Variants in COL25A1 observed in about 807,000 individuals in gnomAD.
The protein encoded by COL25A1 is collagen type XXV alpha 1 chain, also known as collagen alpha-1(XXV) chain.
A neutral mutation model predicts 128.4 loss-of-function variants in COL25A1; 103 were observed. The observed-to-expected ratio is 0.80, with a 90% CI of 0.68 to 0.94. The LOEUF (loss-of-function observed/expected upper bound fraction) is 0.94. COL25A1 is among the 40% of genes least tolerant of loss of function. The pLI, the probability that COL25A1 is intolerant of heterozygous loss-of-function variation, is 0.00. For synonymous variants in COL25A1, 279 were observed against 277.2 expected (o/e 1.01, Z -0.06); for missense variants, 745 against 840.0 (o/e 0.89, Z 1.40).
chr4:109,266,039 T>A (rs1186602782), intron 3 of COL25A1, among the ~76,000 whole-genome samples: 1 of 152,078 alleles, frequency 6.6e-6, no homozygotes, highest in African/African-American at 2.4e-5. Context: ...TTAAAACAGG[T>A]CGACTCTTGA....
At chr4:108,823,778 G>T (rs960625965) in intron 35 of COL25A1, 1 of 418,456 alleles carries the variant, frequency 2.4e-6, no homozygotes, top group Non-Finnish European at 3.8e-6. Context: ...CTACTGGGAA[G>T]TAGTGAAGAC....
intron 3 of COL25A1, among the ~76,000 whole-genome samples, chr4:109,172,536 C>A (rs181482729): frequency 8.6e-5 from 13 of 151,766 alleles, no homozygotes; most frequent in Non-Finnish European, 1.8e-4. Context: ...GCCTGTAGGA[C>A]GATAATCCAT....
chr4:108,831,319 C>T (rs964901966), intron 32 of COL25A1, among the ~76,000 whole-genome samples: 10 of 152,068 alleles, frequency 6.6e-5, no homozygotes, highest in Admixed American at 2.0e-4. Flanking sequence ...TTCCATTTCA[C>T]ACTAGTAATA....
intron 3 of COL25A1, among the ~76,000 whole-genome samples, chr4:109,255,006 G>A (rs1375778801): frequency 1.3e-5 from 2 of 152,184 alleles, no homozygotes; most frequent in Non-Finnish European, 2.9e-5. Context: ...AATCTCACCT[G>A]TCAGGGATGA....
intron 30 of COL25A1, among the ~76,000 whole-genome samples, chr4:108,842,937 C>A (rs529547128): frequency 6.6e-5 from 10 of 152,026 alleles, no homozygotes; most frequent in Non-Finnish European, 1.0e-4. Flanking sequence ...TTGGGCCCAG[C>A]AGTTTGAGAA....
At chr4:108,988,491 G>C (rs1753859872) in intron 6 of COL25A1, among the ~76,000 whole-genome samples, 1 of 152,160 alleles carries the variant, frequency 6.6e-6, no homozygotes, top group Non-Finnish European at 1.5e-5. Flanking sequence ...CACTAAGTCA[G>C]GAGAGTTAAT....
chr4:109,076,263 A>G (rs920926729), intron 3 of COL25A1, among the ~76,000 whole-genome samples: 1 of 152,134 alleles, frequency 6.6e-6, no homozygotes, highest in African/African-American at 2.4e-5. Context: ...TATGAATATG[A>G]TTTTTTAGGT....
intron 3 of COL25A1, among the ~76,000 whole-genome samples, chr4:109,172,322 C>T (rs557676297): frequency 9.3e-4 from 141 of 152,066 alleles, no homozygotes; most frequent in Non-Finnish European, 1.6e-3. Flanking sequence ...ACAAAAAATG[C>T]GATAAGATAT....
rs1174917226 is a variant in COL25A1, at chr4:108,834,313, C to T, written c.1657-1880G>A. ...GGTCTGTGCTGAAGCACATGATTCA[C>T]AGCCACAAAACATGTCAGAGCAAGA... On this transcript the variant is annotated intron_variant, in intron 31 of 37. Transcript: ENST00000399132. 5 of 1,545,648 alleles carry T rather than the reference C, an allele frequency of 3.2e-6. No homozygotes were observed. The African/African-American group carries it at 5.5e-5, about 17-fold the overall frequency.
intron 8 of COL25A1, among the ~76,000 whole-genome samples, chr4:108,956,247 G>T (rs1263233606): frequency 1.1e-4 from 17 of 152,120 alleles, no homozygotes; most frequent in Admixed American, 1.1e-3. Context: ...GTATGCCGAG[G>T]TTTCTTATAT....
intron 3 of COL25A1, among the ~76,000 whole-genome samples, chr4:109,262,974 C>T (rs1781550537): frequency 6.6e-6 from 1 of 151,952 alleles, no homozygotes. Flanking sequence ...TACTAAAATA[C>T]AAAAATTAGC....
intron 36 of COL25A1, among the ~76,000 whole-genome samples, chr4:108,818,288 T>TA (rs1731433909): frequency 6.6e-6 from 1 of 152,110 alleles, no homozygotes; most frequent in Non-Finnish European, 1.5e-5. Flanking sequence ...ACTGACTGCT[T>TA]AATTTTTAAA....
intron 3 of COL25A1, among the ~76,000 whole-genome samples, chr4:109,260,128 C>A (rs1299264943): frequency 6.6e-6 from 1 of 152,160 alleles, no homozygotes; most frequent in Non-Finnish European, 1.5e-5. Context: ...ACAAAGCTGC[C>A]TCCATTTTCT....
At chr4:108,982,766 C>A (rs544251075) in intron 6 of COL25A1, among the ~76,000 whole-genome samples, 37 of 152,190 alleles carry the variant, frequency 2.4e-4, no homozygotes, top group Non-Finnish European at 3.8e-4. Flanking sequence ...TACTAGAAAA[C>A]AAATTTTTAT....
At chr4:109,295,394 T>C (rs1724877551) in intron 3 of COL25A1, among the ~76,000 whole-genome samples, 1 of 152,088 alleles carries the variant, frequency 6.6e-6, no homozygotes, top group African/African-American at 2.4e-5. Flanking sequence ...TGTCACATTG[T>C]ATTGTTTGGC....
intron 3 of COL25A1, among the ~76,000 whole-genome samples, chr4:109,280,667 T>A (rs1723291561): frequency 6.6e-6 from 1 of 152,032 alleles, no homozygotes; most frequent in Admixed American, 6.5e-5. Flanking sequence ...TTTGTTTTTT[T>A]TTTGAGACAG....
chr4:108,832,319 T>C (rs1733220069), intron 32 of COL25A1, 61 bp downstream of exon 32: 8 of 1,169,686 alleles, frequency 6.8e-6, no homozygotes, highest in Middle Eastern at 1.9e-4. Context: ...TAAATTAATA[T>C]GGAAAAGCCA....
intron 31 of COL25A1, among the ~76,000 whole-genome samples, chr4:108,832,922 G>T (rs1419079744): frequency 1.3e-5 from 2 of 150,558 alleles, no homozygotes; most frequent in Non-Finnish European, 3.0e-5. Flanking sequence ...AGCCAAGATC[G>T]TGCCACTGCA....
intron 3 of COL25A1, among the ~76,000 whole-genome samples, chr4:109,225,771 A>C (rs927907720): frequency 2.0e-5 from 3 of 152,026 alleles, no homozygotes; most frequent in Non-Finnish European, 2.9e-5. Flanking sequence ...ATATTGTTAA[A>C]TATCTGTTTA....
Sources: allele counts gnomAD v4.1 joint callset (sites outside exome capture counted in the v4.1 genomes callset), GRCh38; gene constraint gnomAD v4.1.1; transcripts MANE v1.5; gene names NCBI Gene and HGNC (gene_info 2026-07-23, HGNC 2026-07-21).